Variants in ITPK1 observed in about 807,000 individuals in gnomAD.
ITPK1 encodes the protein inositol-tetrakisphosphate 1-kinase, also known as inositol 1,3,4-trisphosphate 5/6-kinase.
ITPK1 carries 21 observed loss-of-function variants against 45.3 expected under a neutral mutation model. That is an observed-to-expected ratio of 0.46 (90% CI 0.33 to 0.67). ITPK1 has a LOEUF of 0.67. Among genes scored for constraint, ITPK1 ranks in the 30% least tolerant of loss-of-function variants. ITPK1 has a pLI of 0.02. For synonymous variants in ITPK1, 258 were observed against 253.6 expected (o/e 1.02, Z -0.16); for missense variants, 474 against 573.5 (o/e 0.83, Z 1.77).
At chr14:93,109,814 G>T (rs1892672017) in intron 2 of ITPK1, among the ~76,000 whole-genome samples, 1 of 152,164 alleles carries the variant, frequency 6.6e-6, no homozygotes. Flanking sequence ...CCTGCAAGAT[G>T]ATCAGTTCAG....
chr14:93,099,880 C>T (rs948513293), intron 2 of ITPK1, among the ~76,000 whole-genome samples: 3 of 152,202 alleles, frequency 2.0e-5, no homozygotes, highest in African/African-American at 7.2e-5. Context: ...AACGTCCTAG[C>T]CCTGGACTCT....
In ITPK1 at chr14:92,946,796, A is replaced by G. The variant is rs558879557; in HGVS notation, c.739-303T>C. Reference sequence around the variant, plus strand: ...GCTCAGAGAGGGTTGGGGCTGGTCTAAAGTCACACAGCTCAAAAGCACAGG... The same window carrying G: ...GCTCAGAGAGGGTTGGGGCTGGTCTGAAGTCACACAGCTCAAAAGCACAGG... On this transcript the variant is annotated intron_variant, in intron 9 of 10. Coordinates refer to ENST00000267615, the MANE Select transcript of ITPK1 (RefSeq NM_014216.6). Among the ~76,000 whole-genome samples the G allele has an allele frequency of 3.3e-5, 5 of 152,390 alleles. 1 individual carries two copies. Among genetic ancestry groups the G allele is most frequent in the Non-Finnish European group, 7.3e-5 (5 of 68,044 alleles).
chr14:93,015,537 G>T (rs911117210), intron 4 of ITPK1, among the ~76,000 whole-genome samples: 1 of 152,258 alleles, frequency 6.6e-6, no homozygotes, highest in Non-Finnish European at 1.5e-5. Flanking sequence ...GCCCGACCAT[G>T]TTTTTCCCAC....
intron 2 of ITPK1, among the ~76,000 whole-genome samples, chr14:93,090,693 A>C (rs1437299843): frequency 6.6e-6 from 1 of 152,236 alleles, no homozygotes; most frequent in African/African-American, 2.4e-5. Context: ...CTCCAGGGAC[A>C]GGAGGAATGT....
At chr14:93,021,009 T>A (rs1341518846) in intron 3 of ITPK1, among the ~76,000 whole-genome samples, 1 of 152,134 alleles carries the variant, frequency 6.6e-6, no homozygotes, top group African/African-American at 2.4e-5. Context: ...TAGCAGTACC[T>A]AGCCAGTGAC....
intron 2 of ITPK1, among the ~76,000 whole-genome samples, chr14:93,112,423 T>C (rs1428129539): frequency 6.6e-6 from 1 of 150,574 alleles, no homozygotes; most frequent in African/African-American, 2.5e-5. Flanking sequence ...TGCCCAAACA[T>C]TAAGAGCAGG....
chr14:92,997,382 G>C (rs1203629865), intron 4 of ITPK1, among the ~76,000 whole-genome samples: 1 of 152,168 alleles, frequency 6.6e-6, no homozygotes, highest in Non-Finnish European at 1.5e-5. Flanking sequence ...TGAAACCAAA[G>C]GGGAAAACAT....
At chr14:93,043,744 G>C (rs1042032686) in intron 3 of ITPK1, among the ~76,000 whole-genome samples, 1 of 152,196 alleles carries the variant, frequency 6.6e-6, no homozygotes, top group African/African-American at 2.4e-5. Context: ...CCAAGCGCAC[G>C]TCATGCCCAG....
chr14:92,976,612 C>T (rs1885955571), intron 5 of ITPK1, among the ~76,000 whole-genome samples: 1 of 152,234 alleles, frequency 6.6e-6, no homozygotes, highest in Non-Finnish European at 1.5e-5. Context: ...ATATGCAGGG[C>T]TTAATGTCAA....
At chr14:93,088,850 G>C (rs551714467) in intron 2 of ITPK1, among the ~76,000 whole-genome samples, 1 of 152,228 alleles carries the variant, frequency 6.6e-6, no homozygotes, top group African/African-American at 2.4e-5. Flanking sequence ...CCTGACCAAA[G>C]ACTCACAGCA....
At chr14:92,975,488 C>T (rs1156863256) in intron 5 of ITPK1, among the ~76,000 whole-genome samples, 3 of 152,208 alleles carry the variant, frequency 2.0e-5, no homozygotes, top group Non-Finnish European at 4.4e-5. Context: ...TAGAACACAG[C>T]AGGCCTGCCA....
At chr14:93,097,419 C>T (rs1451445470) in intron 2 of ITPK1, among the ~76,000 whole-genome samples, 6 of 152,166 alleles carry the variant, frequency 3.9e-5, no homozygotes, top group African/African-American at 1.4e-4. Flanking sequence ...CCAGGTCATG[C>T]CCAGCGCCTT....
chr14:93,053,484 A>C (rs1890102914), intron 3 of ITPK1, among the ~76,000 whole-genome samples: 1 of 152,230 alleles, frequency 6.6e-6, no homozygotes, highest in Non-Finnish European at 1.5e-5. Context: ...ACTTCTTTTT[A>C]GAAGTGCTTT....
At chr14:92,946,009 C>G (rs1887666216) in intron 10 of ITPK1, among the ~76,000 whole-genome samples, 1 of 152,188 alleles carries the variant, frequency 6.6e-6, no homozygotes, top group Non-Finnish European at 1.5e-5. Context: ...CAAGGTCCTT[C>G]CTGCTCCTTA....
chr14:93,096,469 C>T (rs1225605002), intron 2 of ITPK1, among the ~76,000 whole-genome samples: 1 of 152,264 alleles, frequency 6.6e-6, no homozygotes, highest in East Asian at 1.9e-4. Flanking sequence ...CACTTGGCCA[C>T]ATGCACCACG....
chr14:93,044,848 G>A (rs942216388), intron 3 of ITPK1, among the ~76,000 whole-genome samples: 2 of 152,284 alleles, frequency 1.3e-5, no homozygotes, highest in South Asian at 2.1e-4. Flanking sequence ...AGCGTGGGCC[G>A]CAAGTCAGGG....
intron 4 of ITPK1, among the ~76,000 whole-genome samples, chr14:92,999,996 T>A (rs565624001): frequency 1.3e-5 from 2 of 152,204 alleles, no homozygotes; most frequent in African/African-American, 2.4e-5. Flanking sequence ...AGCGAAGCCA[T>A]GTGATGTGTG....
intron 4 of ITPK1, among the ~76,000 whole-genome samples, chr14:93,008,561 G>C (rs891224030): frequency 6.6e-6 from 1 of 152,238 alleles, no homozygotes; most frequent in Admixed American, 6.5e-5. Context: ...CCTATAGGGA[G>C]GGGCTCAGAG....
intron 3 of ITPK1, among the ~76,000 whole-genome samples, chr14:93,033,927 A>T (rs114404807): frequency 0.03 from 4,531 of 152,130 alleles, 209 homozygotes; most frequent in African/African-American, 0.1. Flanking sequence ...ACTGCACAGC[A>T]GCTGTGGGAC....
Sources: gnomAD v4.1 joint callset for allele counts (sites outside exome capture counted in the v4.1 genomes callset) on GRCh38, gnomAD v4.1.1 for gene constraint, MANE v1.5 for transcripts, NCBI Gene and HGNC (gene_info 2026-07-23, HGNC 2026-07-21) for gene names.